TYW1: variants seen among roughly 807,000 people sequenced by gnomAD.
TYW1 encodes S-adenosyl-L-methionine-dependent tRNA 4-demethylwyosine synthase TYW1.
Under a neutral mutation model 96.2 loss-of-function variants are expected in TYW1, and 46 were observed. The ratio of observed to expected loss-of-function variants is 0.48; its 90% CI spans 0.38 to 0.61. TYW1 has a LOEUF of 0.61. Ranked by LOEUF, TYW1 falls within the 20% of genes least tolerant of loss-of-function variation. The pLI, the probability that TYW1 is intolerant of heterozygous loss-of-function variation, is 0.00. For missense variants in TYW1, 684 were observed against 909.6 expected (o/e 0.75, Z 3.19); for synonymous variants, 274 against 323.0 (o/e 0.85, Z 1.63).
intron 13 of TYW1, among the ~76,000 whole-genome samples, chr7:67,121,690 G>A (rs895819110): frequency 8.0e-5 from 12 of 150,702 alleles, no homozygotes; most frequent in Non-Finnish European, 1.2e-4. Context: ...AGCAAGGAAA[G>A]GCATTTGAAG....
chr7:66,999,639 C>G (rs923708289), intron 3 of TYW1, among the ~76,000 whole-genome samples: 1 of 152,146 alleles, frequency 6.6e-6, no homozygotes, highest in African/African-American at 2.4e-5. Flanking sequence ...CAGGCGTGAG[C>G]CACTGCACCT....
chr7:67,138,020 C>CTCTT (rs1774990964), intron 13 of TYW1, among the ~76,000 whole-genome samples: 1 of 152,160 alleles, frequency 6.6e-6, no homozygotes, highest in Non-Finnish European at 1.5e-5. Context: ...AGGCCTTGTG[C>CTCTT]TCTTGTTAAT....
intron 13 of TYW1, among the ~76,000 whole-genome samples, chr7:67,175,110 C>T (rs1208616239): frequency 6.6e-6 from 1 of 151,940 alleles, no homozygotes; most frequent in Non-Finnish European, 1.5e-5. Context: ...TAACACCAAC[C>T]CTACACAACT....
rs774045036 is a variant in TYW1 at position 67,046,947 on chromosome 7, T to A, written c.985-3002T>A. 3.0e-4 allele frequency among the ~76,000 whole-genome samples: 45 copies of A among 152,292 alleles called. 1 individual carries two copies. The Middle Eastern group carries it at 0.014, about 46-fold the overall frequency. On this transcript the variant is annotated intron_variant, in intron 7 of 15. Coordinates refer to ENST00000359626, the MANE Select transcript of TYW1 (RefSeq NM_018264.4). ...CTGTTCATTTTGTAGGGGACAGAAGTCTCTGTTTAAAACCCCAAGAAGGTG... is the reference window on the plus strand; with the variant it reads ...CTGTTCATTTTGTAGGGGACAGAAGACTCTGTTTAAAACCCCAAGAAGGTG...
chr7:67,129,051 T>G (rs1300386278), intron 13 of TYW1, among the ~76,000 whole-genome samples: 3 of 152,090 alleles, frequency 2.0e-5, no homozygotes, highest in Non-Finnish European at 4.4e-5. Context: ...TACTTCTCAG[T>G]TTTTTCTTCC....
At chr7:67,162,554 G>A (rs1468543758) in intron 13 of TYW1, among the ~76,000 whole-genome samples, 5 of 152,126 alleles carry the variant, frequency 3.3e-5, no homozygotes. Flanking sequence ...CAGTCGTTTT[G>A]TGAAGCATAA....
intron 13 of TYW1, among the ~76,000 whole-genome samples, chr7:67,118,051 T>G (rs1797649799): frequency 6.6e-6 from 1 of 152,142 alleles, no homozygotes; most frequent in Non-Finnish European, 1.5e-5. Flanking sequence ...CCAAGCATGG[T>G]GGTTCATGCC....
chr7:67,008,465 C>G (rs553620238), intron 3 of TYW1, among the ~76,000 whole-genome samples: 1 of 152,300 alleles, frequency 6.6e-6, no homozygotes, highest in African/African-American at 2.4e-5. Context: ...CTGAAGCTAT[C>G]TGAGGCCTCA....
intron 6 of TYW1, among the ~76,000 whole-genome samples, chr7:67,023,725 G>A (rs1327752523): frequency 8.6e-5 from 13 of 151,946 alleles, no homozygotes; most frequent in Non-Finnish European, 1.9e-4. Flanking sequence ...CCAAGATCAC[G>A]CCACTGCACT....
At chr7:67,225,447 T>C (rs115256799) in intron 15 of TYW1, among the ~76,000 whole-genome samples, 5,760 of 152,180 alleles carry the variant, frequency 0.038, 323 homozygotes, top group African/African-American at 0.13. Context: ...TGTAGATAAT[T>C]AGGCACTGAT....
intron 15 of TYW1, among the ~76,000 whole-genome samples, chr7:67,197,453 G>A (rs1242384869): frequency 3.3e-5 from 5 of 152,066 alleles, no homozygotes; most frequent in African/African-American, 1.2e-4. Flanking sequence ...AGCCGCCCGA[G>A]TAGCTGGGAC....
chr7:67,018,871 G>A (rs1169581221), intron 6 of TYW1, among the ~76,000 whole-genome samples: 2 of 150,074 alleles, frequency 1.3e-5, no homozygotes, highest in Non-Finnish European at 1.5e-5. Context: ...CACGAGAATC[G>A]CTTGAACCCG....
At chr7:67,029,415 G>GTGTATA (rs1241213574) in intron 7 of TYW1, among the ~76,000 whole-genome samples, 91 of 94,348 alleles carry the variant, frequency 9.6e-4, no homozygotes, top group Non-Finnish European at 1.0e-3. Context: ...GTGTGTGTGT[G>GTGTATA]TATATATATA....
At chr7:67,024,642 G>A (rs1413947231) in intron 6 of TYW1, among the ~76,000 whole-genome samples, 9 of 152,020 alleles carry the variant, frequency 5.9e-5, no homozygotes, top group South Asian at 2.1e-4. Context: ...TTAGCCAGGC[G>A]TGGTGGTAGG....
intron 11 of TYW1, among the ~76,000 whole-genome samples, chr7:67,085,371 C>T (rs1234041206): frequency 2.0e-5 from 3 of 152,118 alleles, no homozygotes; most frequent in East Asian, 1.9e-4. Flanking sequence ...TGAGTTCTCA[C>T]GAGATCTGAT....
At chr7:67,195,749 C>T (rs996577803) in intron 15 of TYW1, among the ~76,000 whole-genome samples, 1 of 151,624 alleles carries the variant, frequency 6.6e-6, no homozygotes, top group African/African-American at 2.4e-5. Context: ...TGAATCTTGG[C>T]ATCTGGAGAA....
chr7:67,085,330 G>A (rs952364722), intron 11 of TYW1, among the ~76,000 whole-genome samples: 1 of 152,156 alleles, frequency 6.6e-6, no homozygotes, highest in Admixed American at 6.6e-5. Context: ...TGTGGGGGCT[G>A]TTTCCCCCAT....
At chr7:67,039,302 A>G (rs991917681) in intron 7 of TYW1, among the ~76,000 whole-genome samples, 3 of 151,924 alleles carry the variant, frequency 2.0e-5, no homozygotes, top group African/African-American at 4.8e-5. Context: ...TAAAAAATAC[A>G]AAAATATTAG....
At chr7:67,069,006 G>T (rs1298435295) in intron 10 of TYW1, among the ~76,000 whole-genome samples, 1 of 152,062 alleles carries the variant, frequency 6.6e-6, no homozygotes, top group African/African-American at 2.4e-5. Context: ...CAACCAAAAT[G>T]ATTTAATACT....
Sources: gnomAD v4.1 joint callset for allele counts (sites outside exome capture counted in the v4.1 genomes callset) on GRCh38, gnomAD v4.1.1 for gene constraint, MANE v1.5 for transcripts, NCBI Gene and HGNC (gene_info 2026-07-23, HGNC 2026-07-21) for gene names.